The following FRMPD2 variants were observed in gnomAD, a reference collection of about 807,000 sequenced individuals.
FRMPD2 encodes the protein FERM and PDZ domain containing 2.
A neutral mutation model predicts 140.1 loss-of-function variants in FRMPD2; 96 were observed. That is an observed-to-expected ratio of 0.69 (90% CI 0.58 to 0.81). The LOEUF (loss-of-function observed/expected upper bound fraction) is 0.81, where lower values mean the gene tolerates loss of function less well. Among genes scored for constraint, FRMPD2 ranks in the 40% least tolerant of loss-of-function variants. The probability of loss-of-function intolerance (pLI) is 0.00; values close to 1 mark genes in which losing one functional copy is unlikely to be tolerated. For missense variants in FRMPD2, 1,240 were observed against 1,447.4 expected (o/e 0.86, Z 2.32); for synonymous variants, 449 against 547.6 (o/e 0.82, Z 2.52).
At chr10:48,229,788 A>G (rs377741594) in intron 10 of FRMPD2, among the ~76,000 whole-genome samples, 24 of 152,298 alleles carry the variant, frequency 1.6e-4, no homozygotes, top group African/African-American at 5.5e-4. Flanking sequence ...CTAAGTCCTT[A>G]TCATCCATGG....
intron 20 of FRMPD2, among the ~76,000 whole-genome samples, chr10:48,183,078 G>A (rs1279617668): frequency 3.3e-5 from 5 of 152,204 alleles, no homozygotes; most frequent in Non-Finnish European, 7.3e-5. Context: ...TCTGGACAGG[G>A]GAGCTGCATG....
intron 24 of FRMPD2, among the ~76,000 whole-genome samples, chr10:48,174,520 A>G (rs545452271): frequency 1.3e-5 from 2 of 152,078 alleles, no homozygotes; most frequent in African/African-American, 4.8e-5. Flanking sequence ...CCATGGACAC[A>G]GGGCCAGCGG....
chr10:48,222,261 G>A, intron 12 of FRMPD2, 52 bp downstream of exon 12: 1 of 1,586,432 alleles, frequency 6.3e-7, no homozygotes, highest in Non-Finnish European at 8.6e-7. Flanking sequence ...CCCTCATCCT[G>A]TAACTGTTTT....
In FRMPD2 at chr10:48,176,050, T is replaced by C. The variant is rs557380368; in HGVS notation, c.2896-111A>G. 302 of 644,288 alleles carry C rather than the reference T, an allele frequency of 4.7e-4. 2 individuals carry two copies. The South Asian group carries it at 4.7e-3, about 10-fold the overall frequency. 39.9% of individuals were successfully genotyped at this position (644,288 alleles called of 1,614,324 possible). On this transcript the variant is annotated intron_variant, in intron 22 of 28. Transcript: ENST00000374201. Reference sequence around the variant, plus strand: ...TGCCCACCACTCTATCCCATGACCTTACCTCCGACTGGCACTGTCTTCTGT... The same window carrying C: ...TGCCCACCACTCTATCCCATGACCTCACCTCCGACTGGCACTGTCTTCTGT...
chr10:48,192,988 C>G, intron 15 of FRMPD2, 94 bp from the exon 16 acceptor site: 3 of 894,274 alleles, frequency 3.4e-6, no homozygotes, highest in East Asian at 4.9e-5. Flanking sequence ...TGGGCCCCCG[C>G]TCTCCTCCTC....
At chr10:48,237,215 G>T (rs921305788) in intron 8 of FRMPD2, among the ~76,000 whole-genome samples, 2 of 152,070 alleles carry the variant, frequency 1.3e-5, no homozygotes, top group Non-Finnish European at 2.9e-5. Context: ...TGCCCCCAAG[G>T]GTACCTAGCA....
chr10:48,201,902 A>G (rs1269119427), intron 14 of FRMPD2, among the ~76,000 whole-genome samples: 2 of 151,948 alleles, frequency 1.3e-5, no homozygotes, highest in Non-Finnish European at 2.9e-5. Context: ...ACAGAATAAG[A>G]GAGATTCTAT....
chr10:48,240,932 T>C (rs1203134042), intron 5 of FRMPD2, among the ~76,000 whole-genome samples: 4 of 152,224 alleles, frequency 2.6e-5, no homozygotes, highest in Non-Finnish European at 5.9e-5. Context: ...CTGTGTGCTT[T>C]ATGCACCACC....
At chr10:48,241,073 G>A (rs2131946510) in intron 5 of FRMPD2, among the ~76,000 whole-genome samples, 1 of 148,540 alleles carries the variant, frequency 6.7e-6, no homozygotes, top group Middle Eastern at 3.5e-3. Context: ...GTGGATGGTA[G>A]ACCTCAGTAT....
At chr10:48,272,348 T>A (rs1477624333) in intron 1 of FRMPD2, among the ~76,000 whole-genome samples, 2 of 152,242 alleles carry the variant, frequency 1.3e-5, no homozygotes, top group Admixed American at 1.3e-4. Flanking sequence ...CCAGAAATTT[T>A]GTAAGCTGGT....
At chr10:48,181,221 C>T (rs1351264942) in intron 20 of FRMPD2, among the ~76,000 whole-genome samples, 269 of 152,342 alleles carry the variant, frequency 1.8e-3, no homozygotes, top group African/African-American at 6.1e-3. Flanking sequence ...ATAGAGCTTA[C>T]GTGACCCAAC....
At chr10:48,217,369 CA>C (rs1839474601) in intron 12 of FRMPD2, among the ~76,000 whole-genome samples, 1 of 152,126 alleles carries the variant, frequency 6.6e-6, no homozygotes, top group African/African-American at 2.4e-5. Context: ...ATGCTGTGAA[CA>C]AAAACCCAGC....
chr10:48,227,283 A>G (rs1839745644), intron 10 of FRMPD2, among the ~76,000 whole-genome samples: 1 of 152,174 alleles, frequency 6.6e-6, no homozygotes, highest in African/African-American at 2.4e-5. Context: ...GATAAAAGTT[A>G]CAATAAGACT....
At position 48,222,306 on chromosome 10, in the gene FRMPD2, C is replaced by A. The variant is rs770161344; in HGVS notation, c.1455+7G>T. The A allele has an allele frequency of 2.5e-6, 4 of 1,613,294 alleles. No homozygotes were observed. Among genetic ancestry groups the A allele is most frequent in the Non-Finnish European group, 3.4e-6 (4 of 1,179,658 alleles). On this transcript the variant is annotated splice_region_variant and intron_variant, in intron 12 of 28. Transcript: ENST00000374201. Reference sequence around the variant, plus strand: ...CCCACACAAAGGCCCCTGGTGTTCACCCCTACCTCCTTAGGGTAATTGCCA... The same window carrying A: ...CCCACACAAAGGCCCCTGGTGTTCAACCCTACCTCCTTAGGGTAATTGCCA...
chr10:48,184,813 G>T lies in FRMPD2; in HGVS notation c.2428C>A (p.Pro810Thr), dbSNP rs751378816. ...TTTGCTTTTTCTGCTGGTCCTCCAG[G>T]TATAATAGAAGATATAAAAATGCCA... ...DPGIFISSIIPGGPAEKAKTI... is the reference protein window; with the variant it reads ...DPGIFISSIITGGPAEKAKTI... Residue 810 changes from proline (P) to threonine (T), a missense_variant, in exon 19 of 29, where the codon CCT (proline) becomes ACT (threonine). Physicochemically the swap from Pro to Thr is conservative, Grantham distance 38 (BLOSUM62 -1). Coordinates refer to ENST00000374201, the MANE Select transcript of FRMPD2 (RefSeq NM_001018071.4). The T allele has an allele frequency of 1.9e-6, 3 of 1,613,862 alleles. No homozygotes were observed. In the South Asian group the frequency reaches 3.3e-5, roughly 18 times the overall value.
intron 25 of FRMPD2, among the ~76,000 whole-genome samples, chr10:48,172,392 C>A (rs1465436940): frequency 6.6e-6 from 1 of 151,558 alleles, no homozygotes; most frequent in Non-Finnish European, 1.5e-5. Context: ...ATCGTTCTTA[C>A]TGAGGAAATC....
intron 8 of FRMPD2, 143 bp from the exon 9 acceptor site, chr10:48,236,696 C>T (rs1266930496): frequency 1.4e-6 from 1 of 720,102 alleles, no homozygotes; most frequent in Non-Finnish European, 2.4e-6. Flanking sequence ...TGGGGCTGAC[C>T]TGGGCTGAGG....
At chr10:48,192,185 T>C (rs1838844705) in intron 16 of FRMPD2, among the ~76,000 whole-genome samples, 1 of 152,200 alleles carries the variant, frequency 6.6e-6, no homozygotes. Context: ...CCTAGAGTGT[T>C]TAACATAGAC....
intron 1 of FRMPD2, among the ~76,000 whole-genome samples, chr10:48,265,845 C>T (rs1278276249): frequency 6.6e-6 from 1 of 152,158 alleles, no homozygotes; most frequent in Non-Finnish European, 1.5e-5. Context: ...TACCATTTGA[C>T]CCAGCAATCC....
Sources: allele counts gnomAD v4.1 joint callset (sites outside exome capture counted in the v4.1 genomes callset), GRCh38; gene constraint gnomAD v4.1.1; transcripts MANE v1.5; gene names NCBI Gene and HGNC (gene_info 2026-07-23, HGNC 2026-07-21).